The following GMPR variants were observed in gnomAD, a reference collection of about 807,000 sequenced individuals.
GMPR encodes guanosine monophosphate reductase.
In GMPR, 31 loss-of-function variants were observed where a neutral mutation model predicts 38.4. That is an observed-to-expected ratio of 0.81 (90% CI 0.61 to 1.09). The LOEUF (loss-of-function observed/expected upper bound fraction) is 1.09. Ranked by LOEUF, GMPR falls within the 50% of genes least tolerant of loss-of-function variation. The pLI is 0.00. For missense variants in GMPR, 468 were observed against 453.7 expected, an observed-to-expected ratio of 1.03 and a Z score of -0.29; for synonymous variants, 162 against 173.3, an observed-to-expected ratio of 0.93 and a Z score of 0.51.
chr6:16,254,080 G>A (rs1758927469), intron 3 of GMPR, among the ~76,000 whole-genome samples: 3 of 152,132 alleles, frequency 2.0e-5, no homozygotes, highest in African/African-American at 7.2e-5. Context: ...ACAGGCACCT[G>A]CCACCACGCC....
chr6:16,256,351 T>TAAA (rs200060049), intron 4 of GMPR, among the ~76,000 whole-genome samples: 41 of 120,850 alleles, frequency 3.4e-4, no homozygotes, highest in South Asian at 7.7e-4. Context: ...CTGCATCTAC[T>TAAA]AAAAAAAAAA....
intron 4 of GMPR, chr6:16,262,101 A>C (rs1030859729): frequency 2.0e-5 from 3 of 151,882 alleles, no homozygotes; most frequent in African/African-American, 7.2e-5. Flanking sequence ...TATGGAGGCA[A>C]GGGAAACAGG....
At position 16,254,667 on chromosome 6, in the gene GMPR, G is replaced by T. The variant is rs1312932003; in HGVS notation, c.397G>T (p.Gly133Trp). ...VKFICLDVAN[G>W]YSEHFVEFVK... Reference sequence around the variant, plus strand: ...GTTTATTTGCCTGGATGTGGCCAATGGGTATTCAGAACATTTTGTGGAATT... The same window carrying T: ...GTTTATTTGCCTGGATGTGGCCAATTGGTATTCAGAACATTTTGTGGAATT... The change falls in exon 4 of 9, where the codon GGG becomes TGG. Residue 133 changes from glycine (G) to tryptophan (W), a missense_variant. Coordinates refer to ENST00000259727, the MANE Select transcript of GMPR (RefSeq NM_006877.4). 1.2e-6 allele frequency: 2 copies of T among 1,613,146 alleles called. No individual in the cohort carries two copies. The highest frequency in any genetic ancestry group is 1.7e-6 in the Non-Finnish European group (2 of 1,179,188).
chr6:16,262,667 C>A (rs1759109038), intron 4 of GMPR: 2 of 151,930 alleles, frequency 1.3e-5, no homozygotes, highest in Non-Finnish European at 2.9e-5. Flanking sequence ...TTGGAGTTTT[C>A]TTTAATGTCG....
At chr6:16,277,737 A>C (rs1372511639) in intron 5 of GMPR, among the ~76,000 whole-genome samples, 1 of 151,974 alleles carries the variant, frequency 6.6e-6, no homozygotes, top group African/African-American at 2.4e-5. Context: ...GTGATGAACA[A>C]CTCCCCTGGG....
At chr6:16,290,300 C>T (rs1759813193) in intron 7 of GMPR, 162 bp from the exon 8 acceptor site, 1 of 689,088 alleles carries the variant, frequency 1.5e-6, no homozygotes, top group Non-Finnish European at 2.6e-6. Flanking sequence ...AAGCCTTCTC[C>T]CTTTTTCCAG....
chr6:16,261,611 G>C (rs1226295375), intron 4 of GMPR, among the ~76,000 whole-genome samples: 1 of 151,998 alleles, frequency 6.6e-6, no homozygotes, highest in Non-Finnish European at 1.5e-5. Flanking sequence ...TGTAAGGCTT[G>C]TCTGGTTTTA....
intron 4 of GMPR, among the ~76,000 whole-genome samples, chr6:16,260,243 G>T (rs552265720): frequency 6.6e-6 from 1 of 151,982 alleles, no homozygotes; most frequent in South Asian, 2.1e-4. Context: ...ACTGAGGACC[G>T]TAAGGGATAT....
intron 8 of GMPR, among the ~76,000 whole-genome samples, chr6:16,294,066 C>G (rs1053036901): frequency 6.6e-6 from 1 of 152,158 alleles, no homozygotes; most frequent in South Asian, 2.1e-4. Flanking sequence ...AGCAGTGTTA[C>G]CTGGTGGCTT....
intron 6 of GMPR, among the ~76,000 whole-genome samples, chr6:16,281,671 AT>A (rs3071344): frequency 4.1e-5 from 6 of 147,292 alleles, no homozygotes; most frequent in Admixed American, 1.3e-4. Context: ...CGCTCAGCCC[AT>A]TTTTTTTTTG....
At chr6:16,248,694 AAATT>A (rs2113670546) in intron 2 of GMPR, among the ~76,000 whole-genome samples, 1 of 152,300 alleles carries the variant, frequency 6.6e-6, no homozygotes, top group East Asian at 1.9e-4. Context: ...AGAGGCTAAT[AAATT>A]AATTGCTAAG....
chr6:16,239,280 C>T (rs1224758234), intron 1 of GMPR, among the ~76,000 whole-genome samples: 1 of 152,196 alleles, frequency 6.6e-6, no homozygotes, highest in African/African-American at 2.4e-5. Context: ...TTCAGGGTTT[C>T]CTTTCTGAGT....
chr6:16,272,152 C>T (rs1759399458), intron 4 of GMPR, among the ~76,000 whole-genome samples: 1 of 152,138 alleles, frequency 6.6e-6, no homozygotes, highest in South Asian at 2.1e-4. Context: ...GCAGAGGTTG[C>T]AGTGAGATCA....
intron 4 of GMPR, among the ~76,000 whole-genome samples, chr6:16,270,269 G>A (rs1759356615): frequency 2.6e-5 from 4 of 152,136 alleles, no homozygotes; most frequent in Admixed American, 2.6e-4. Context: ...TAGGAAGAGG[G>A]GTTGCCTATC....
chr6:16,282,414 C>G (rs1273910728), intron 6 of GMPR, among the ~76,000 whole-genome samples: 1 of 152,024 alleles, frequency 6.6e-6, no homozygotes, highest in Non-Finnish European at 1.5e-5. Flanking sequence ...TGTGTTTAAC[C>G]TAGGAAAAGT....
At chr6:16,286,454 G>A (rs1759681125) in intron 7 of GMPR, among the ~76,000 whole-genome samples, 2 of 151,992 alleles carry the variant, frequency 1.3e-5, no homozygotes, top group South Asian at 2.1e-4. Flanking sequence ...AGCTGGCCGC[G>A]TGGCTGTGGG....
intron 6 of GMPR, among the ~76,000 whole-genome samples, chr6:16,285,281 A>G (rs548822486): frequency 2.0e-5 from 3 of 152,230 alleles, no homozygotes; most frequent in Non-Finnish European, 2.9e-5. Flanking sequence ...GGAAACATGG[A>G]GGTACCTGGA....
chr6:16,250,245 C>G, intron 2 of GMPR, 39 bp from the exon 3 acceptor site: 2 of 1,139,092 alleles, frequency 1.8e-6, no homozygotes, highest in Non-Finnish European at 2.7e-6. Context: ...GGGGCTCTCA[C>G]TTGGCTTCCC....
At chr6:16,274,222 C>T (rs907718992) in intron 4 of GMPR, among the ~76,000 whole-genome samples, 193 bp from the exon 5 acceptor site, 2 of 152,212 alleles carry the variant, frequency 1.3e-5, no homozygotes, top group Admixed American at 6.5e-5. Context: ...GCTGTATCTT[C>T]TCATGCCAAC....
Sources: allele counts gnomAD v4.1 joint callset (sites outside exome capture counted in the v4.1 genomes callset), GRCh38; gene constraint gnomAD v4.1.1; transcripts MANE v1.5; gene names NCBI Gene and HGNC (gene_info 2026-07-23, HGNC 2026-07-21).